The following C1orf141 variants were observed in gnomAD, a reference collection of about 807,000 sequenced individuals.
C1orf141 encodes uncharacterized protein C1orf141.
A neutral mutation model predicts 23.2 loss-of-function variants in C1orf141; 19 were observed. The observed-to-expected ratio is 0.82, with a 90% CI of 0.57 to 1.20. C1orf141 has a LOEUF of 1.20. Among genes scored for constraint, C1orf141 ranks in the 50% most tolerant of loss-of-function variants. C1orf141 has a pLI of 0.00. For missense variants in C1orf141, 469 were observed against 455.1 expected (o/e 1.03, Z -0.28); for synonymous variants, 153 against 154.6 (o/e 0.99, Z 0.08).
At chr1:67,101,676 TA>T (rs1249690896) in intron 5 of C1orf141, among the ~76,000 whole-genome samples, 3 of 152,138 alleles carry the variant, frequency 2.0e-5, no homozygotes, top group Non-Finnish European at 4.4e-5. Context: ...ACTTTCAATT[TA>T]ATAAATTTTT....
chr1:67,116,542 C>A (rs1378335411), intron 4 of C1orf141, among the ~76,000 whole-genome samples: 2 of 152,022 alleles, frequency 1.3e-5, no homozygotes, highest in African/African-American at 4.8e-5. Flanking sequence ...ATGTGACTAT[C>A]ATTTCCTTCA....
chr1:67,126,944 C>T (rs977100122), intron 3 of C1orf141, among the ~76,000 whole-genome samples: 2 of 152,160 alleles, frequency 1.3e-5, no homozygotes, highest in Non-Finnish European at 2.9e-5. Flanking sequence ...ATCGTCAAAA[C>T]AATCCAAAAG....
chr1:67,093,360 G>A lies in C1orf141; in HGVS notation c.848C>T (p.Pro283Leu), dbSNP rs776347055. 3.1e-6 allele frequency: 5 copies of A among 1,613,806 alleles called. No individual in the cohort carries two copies. Among genetic ancestry groups the A allele is most frequent in the South Asian group, 2.2e-5 (2 of 91,062 alleles). The change falls in exon 8 of 8, where the codon CCT (proline) becomes CTT (leucine). Residue 283 changes from proline to leucine, a missense_variant. By Grantham distance (98) the Pro-to-Leu change is moderately conservative. Coordinates refer to ENST00000684719, the MANE Select transcript of C1orf141 (RefSeq NM_001276351.2). ...PTVQRKDIQI[P>L]MSFKAGHTTV... The stretch of plus-strand genomic sequence containing the variant: ...TGTGTGGCCCGCTTTAAAAGACATA[G>A]GGATCTGTATATCTTTTCTCTGTAC...
In C1orf141 at chr1:67,092,458, A is replaced by G. The variant is rs757749994; in HGVS notation, c.*547T>C. The G allele has an allele frequency of 1.3e-5, 2 of 152,256 alleles. No individual in the cohort carries two copies. The highest frequency in any genetic ancestry group is 2.9e-5 in the Non-Finnish European group (2 of 68,032). 9.4% of individuals were successfully genotyped at this position (152,256 alleles called of 1,614,324 possible). A position where few individuals can be genotyped will look rare whatever the true frequency, so the allele number is the denominator to read the frequency against. The stretch of plus-strand genomic sequence containing the variant: ...AAGTTAAAGTTTGCAAAAACATTAT[A>G]TAATAATGAAGTTCCAACAGCTACT... On this transcript the variant is annotated 3_prime_UTR_variant, in exon 8 of 8. Coordinates refer to ENST00000684719, the MANE Select transcript of C1orf141 (RefSeq NM_001276351.2).
intron 7 of C1orf141, chr1:67,094,835 A>C (rs76396260): frequency 0.021 from 3,391 of 157,916 alleles, 126 homozygotes; most frequent in African/African-American, 0.076. Context: ...GGGTCTTGTT[A>C]TATTGCTCAG....
intron 5 of C1orf141, among the ~76,000 whole-genome samples, chr1:67,114,352 T>C (rs1646143382): frequency 6.6e-6 from 1 of 152,014 alleles, no homozygotes; most frequent in Non-Finnish European, 1.5e-5. Context: ...ATTGTTCCTA[T>C]AAATAATTTT....
rs1162614702 is a variant in C1orf141 at position 67,115,371 on chromosome 1, A to C, written c.327T>G (p.Asn109Lys). 6 of 1,294,568 alleles carry C rather than the reference A, an allele frequency of 4.6e-6. No individual in the cohort carries two copies. In the Admixed American group the frequency reaches 1.1e-4, roughly 24 times the overall value. The allele number at this position is 1,294,568 out of a possible 1,614,324, so 80.2% of individuals were successfully genotyped here. Reference protein sequence around the residue: ...RPFFIQTNVKNKESESTAQIE... With the variant: ...RPFFIQTNVKKKESESTAQIE... ...CATTACCTGTTGACTCACTTTCTTT[A>C]TTTTTTACATTTGTTTGAATAAAGA... is the stretch of plus-strand genomic sequence containing the variant. Residue 109 changes from asparagine to lysine, a missense_variant, in exon 5 of 8, where the codon AAT becomes AAG. Around this residue, in one of 3 missense-constraint regions of C1orf141, gnomAD observed 370 missense variants for 348.1 expected, o/e 1.06. Transcript: ENST00000684719.
chr1:67,111,692 T>A, intron 5 of C1orf141: 1 of 829,674 alleles, frequency 1.2e-6, no homozygotes, highest in Non-Finnish European at 1.8e-6. Context: ...TTACTTCTAA[T>A]TAAACCCAAT....
intron 2 of C1orf141, among the ~76,000 whole-genome samples, chr1:67,128,101 C>T (rs1646450393): frequency 1.3e-5 from 2 of 152,250 alleles, no homozygotes; most frequent in South Asian, 4.2e-4. Context: ...ACATAAGTAG[C>T]AGCAACTAAG....
At chr1:67,140,548 A>G (rs1570748666) in intron 1 of C1orf141, among the ~76,000 whole-genome samples, 1 of 152,300 alleles carries the variant, frequency 6.6e-6, no homozygotes, top group East Asian at 1.9e-4. Flanking sequence ...GGGGAAAGGA[A>G]CAGAGAAAGA....
chr1:67,126,443 C>G (rs1646415264), intron 3 of C1orf141, among the ~76,000 whole-genome samples: 1 of 152,128 alleles, frequency 6.6e-6, no homozygotes, highest in Non-Finnish European at 1.5e-5. Flanking sequence ...AAAGTTTTCT[C>G]TAAAAAATTA....
At chr1:67,140,585 CTG>C (rs757089741) in intron 1 of C1orf141, among the ~76,000 whole-genome samples, 2 of 152,158 alleles carry the variant, frequency 1.3e-5, no homozygotes, top group Non-Finnish European at 2.9e-5. Flanking sequence ...ACTGGTTGAA[CTG>C]TACATTGTTA....
intron 7 of C1orf141, chr1:67,094,023 C>T (rs1645614015): frequency 6.5e-6 from 1 of 152,998 alleles, no homozygotes; most frequent in Non-Finnish European, 1.5e-5. Flanking sequence ...TAACTGATTA[C>T]AAGCCAAAAT....
upstream of C1orf141, among the ~76,000 whole-genome samples, chr1:67,137,795 T>C (rs1646599031): frequency 6.6e-6 from 1 of 152,264 alleles, no homozygotes; most frequent in African/African-American, 2.4e-5. Context: ...GTCTTTCCTA[T>C]AAATTCTTTA....
chr1:67,093,709 CTACA>C, intron 7 of C1orf141, 105 bp from the exon 8 acceptor site: 1 of 842,230 alleles, frequency 1.2e-6, no homozygotes, highest in East Asian at 2.8e-5. Flanking sequence ...CTAAAAATGA[CTACA>C]TACAAATATT....
At chr1:67,133,148 A>T (rs1176215132) in intron 1 of C1orf141, among the ~76,000 whole-genome samples, 2 of 152,252 alleles carry the variant, frequency 1.3e-5, no homozygotes, top group African/African-American at 4.8e-5. Flanking sequence ...CAAACAAAAA[A>T]TAACAAAACC....
Position 67,111,740 on chromosome 1 carries a change from G to T in C1orf141, c.346+3612C>A, listed in dbSNP as rs1340593532. ...CCACTGCAGTAAACTTTTAAGAAATGTAAAAGAATAATTTTATTTACTTAC... is the reference window on the plus strand; with the variant it reads ...CCACTGCAGTAAACTTTTAAGAAATTTAAAAGAATAATTTTATTTACTTAC... On this transcript the variant is annotated intron_variant, in intron 5 of 7. Coordinates refer to ENST00000684719, the MANE Select transcript of C1orf141 (RefSeq NM_001276351.2). The T allele has an allele frequency of 1.6e-5, 8 of 492,568 alleles. No individual in the cohort carries two copies. The East Asian group carries it at 2.8e-4, about 17-fold the overall frequency. The allele number at this position is 492,568 out of a possible 1,614,324, so 30.5% of individuals were successfully genotyped here. A position where few individuals can be genotyped will look rare whatever the true frequency, so the allele number is the denominator to read the frequency against.
intron 5 of C1orf141, among the ~76,000 whole-genome samples, chr1:67,112,831 C>G (rs11209000): frequency 0.78 from 119,106 of 152,188 alleles, 46,991 homozygotes; most frequent in East Asian, 0.91. Context: ...AGTCAGAGGA[C>G]GCCTCTCTGA....
At chr1:67,130,401 C>T (rs1315580714) in intron 2 of C1orf141, among the ~76,000 whole-genome samples, 2 of 152,162 alleles carry the variant, frequency 1.3e-5, no homozygotes, top group Non-Finnish European at 2.9e-5. Flanking sequence ...CAATGCTGCT[C>T]ATTTGTGAGA....
Sources: allele counts gnomAD v4.1 joint callset (sites outside exome capture counted in the v4.1 genomes callset), GRCh38; gene constraint gnomAD v4.1.1; regional missense constraint gnomAD v4.1.1; transcripts MANE v1.5; gene names NCBI Gene and HGNC (gene_info 2026-07-23, HGNC 2026-07-21).